The following GRIK1 variants were observed in gnomAD, a reference collection of about 807,000 sequenced individuals.
GRIK1 encodes glutamate receptor ionotropic, kainate 1.
GRIK1 carries 69 observed loss-of-function variants against 105.7 expected under a neutral mutation model. The observed-to-expected ratio is 0.65, with a 90% CI of 0.54 to 0.80. The LOEUF is 0.80. Ranked by LOEUF, GRIK1 falls within the 30% of genes least tolerant of loss-of-function variation. GRIK1 has a pLI of 0.00. For missense variants in GRIK1, 1,109 were observed against 1,167.3 expected (o/e 0.95, Z 0.73); for synonymous variants, 438 against 431.3 (o/e 1.02, Z -0.19).
chr21:29,716,409 C>T (rs567424466), intron 1 of GRIK1, among the ~76,000 whole-genome samples: 116 of 152,228 alleles, frequency 7.6e-4, no homozygotes, highest in Non-Finnish European at 1.3e-3. Flanking sequence ...AAGTTAGAAA[C>T]TTCCTAGAGA....
At chr21:29,677,556 A>G (rs1318763768) in intron 3 of GRIK1, among the ~76,000 whole-genome samples, 2 of 152,138 alleles carry the variant, frequency 1.3e-5, no homozygotes, top group Non-Finnish European at 2.9e-5. Context: ...TGGGTAACTC[A>G]GGCAACAGGT....
At chr21:29,622,517 C>A (rs1401490948) in intron 7 of GRIK1, among the ~76,000 whole-genome samples, 1 of 152,150 alleles carries the variant, frequency 6.6e-6, no homozygotes, top group Non-Finnish European at 1.5e-5. Context: ...TGTTGGTTAT[C>A]CCTGGTCTAC....
chr21:29,870,211 G>A (rs2068961885), intron 1 of GRIK1, among the ~76,000 whole-genome samples: 2 of 151,860 alleles, frequency 1.3e-5, no homozygotes, highest in Admixed American at 1.3e-4. Flanking sequence ...ATATCATGTT[G>A]TGTACATATC....
intron 16 of GRIK1, among the ~76,000 whole-genome samples, chr21:29,540,708 T>C (rs1184551425): frequency 1.3e-5 from 2 of 152,188 alleles, no homozygotes; most frequent in Non-Finnish European, 2.9e-5. Flanking sequence ...GGCTTGGGTT[T>C]TTCATATTCA....
At chr21:29,722,126 G>A (rs1045871252) in intron 1 of GRIK1, among the ~76,000 whole-genome samples, 1 of 152,082 alleles carries the variant, frequency 6.6e-6, no homozygotes, top group African/African-American at 2.4e-5. Flanking sequence ...GCTTACCTCT[G>A]TCATAATAAC....
rs1230664416 is a variant in GRIK1, at chr21:29,575,840, AAAC to A, written c.2130+1121_2130+1123del. On this transcript the variant is annotated intron_variant, in intron 14 of 17. Transcript: ENST00000327783. ...GAGCGAGACTCCATCTCAAAACAAAAAACAAAACAAAAAAACAGCTGCCCCCCA... is the reference window on the plus strand; with the variant it reads ...GAGCGAGACTCCATCTCAAAACAAAAAAAACAAAAAAACAGCTGCCCCCCA... Among the ~76,000 whole-genome samples, 3 of 152,086 alleles carry A rather than the reference AAAC, an allele frequency of 2.0e-5. No individual in the cohort carries two copies. In the East Asian group the frequency reaches 5.8e-4, roughly 29 times the overall value.
At chr21:29,650,286 G>A (rs544760969) in intron 6 of GRIK1, among the ~76,000 whole-genome samples, 4 of 152,140 alleles carry the variant, frequency 2.6e-5, no homozygotes, top group African/African-American at 4.8e-5. Context: ...TCTTAAAAGC[G>A]AGAGTGCGTC....
chr21:29,824,899 G>A (rs977049258), intron 1 of GRIK1, among the ~76,000 whole-genome samples: 2 of 152,004 alleles, frequency 1.3e-5, no homozygotes, highest in Non-Finnish European at 2.9e-5. Context: ...TAGGATCAGG[G>A]AGATTGCAAT....
Position 29,619,123 on chromosome 21 carries a change from CAAA to C in GRIK1, c.1099-20189_1099-20187del, listed in dbSNP as rs35003722. Among the ~76,000 whole-genome samples, 211 of 81,654 alleles carry C rather than the reference CAAA, an allele frequency of 2.6e-3. 1 individual carries two copies. The highest frequency in any genetic ancestry group is 5.9e-3 in the African/African-American group (131 of 22,092). The allele number at this position is 81,654 out of a possible 152,430, so 53.6% of individuals were successfully genotyped here. ...CCTGGGCAACAGAGCGAGACTCCGT[CAAA>C]AAAAAAAAAAAAAAAAAGAATGATA... On this transcript the variant is annotated intron_variant, in intron 7 of 17. Coordinates refer to ENST00000327783, the MANE Select transcript of GRIK1 (RefSeq NM_001330994.2).
chr21:29,674,180 T>G (rs533163631), intron 3 of GRIK1, among the ~76,000 whole-genome samples: 1 of 152,136 alleles, frequency 6.6e-6, no homozygotes, highest in South Asian at 2.1e-4. Context: ...AAAATTGTGA[T>G]ATGCTCTGTG....
At chr21:29,730,248 T>C (rs2064578706) in intron 1 of GRIK1, among the ~76,000 whole-genome samples, 1 of 152,198 alleles carries the variant, frequency 6.6e-6, no homozygotes, top group South Asian at 2.1e-4. Flanking sequence ...ATAATAATTA[T>C]TGTATTTTTT....
At chr21:29,583,345 G>A (rs561097772) in intron 12 of GRIK1, among the ~76,000 whole-genome samples, 1 of 152,144 alleles carries the variant, frequency 6.6e-6, no homozygotes, top group Non-Finnish European at 1.5e-5. Context: ...ACAGCATGCA[G>A]AGTAAAGATC....
At chr21:29,908,235 TG>T (rs66683073) in intron 1 of GRIK1, among the ~76,000 whole-genome samples, 33,441 of 152,000 alleles carry the variant, frequency 0.22, 4,176 homozygotes, top group African/African-American at 0.34. Flanking sequence ...TACACAGAAA[TG>T]TATATGAAAA....
chr21:29,726,500 C>T (rs1245648346), intron 1 of GRIK1, among the ~76,000 whole-genome samples: 3 of 152,132 alleles, frequency 2.0e-5, no homozygotes, highest in Non-Finnish European at 4.4e-5. Flanking sequence ...AAAGAACAAA[C>T]TTAAAATCCC....
rs59316205 is a variant in GRIK1, at chr21:29,557,861, A to G, written c.2357-2559T>C. Among the ~76,000 whole-genome samples, 662 of 152,274 alleles carry G rather than the reference A, an allele frequency of 4.3e-3. 2 individuals carry two copies. Among genetic ancestry groups the G allele is most frequent in the African/African-American group, 0.015 (616 of 41,558 alleles). On this transcript the variant is annotated intron_variant, in intron 15 of 17. Coordinates refer to ENST00000327783, the MANE Select transcript of GRIK1 (RefSeq NM_001330994.2). ...TACATGAAAGTGCTTTGAAGAGTGT[A>G]AGAATGATTCTTATGTTAGTTGTTG... is the stretch of plus-strand genomic sequence containing the variant.
At chr21:29,626,277 G>A (rs1437694469) in intron 7 of GRIK1, among the ~76,000 whole-genome samples, 6 of 152,050 alleles carry the variant, frequency 3.9e-5, no homozygotes, top group Non-Finnish European at 8.8e-5. Flanking sequence ...CTTTTATCAG[G>A]TATGGATAAC....
In GRIK1 at chr21:29,536,933, T is replaced by C. The variant is rs942417671; in HGVS notation, c.*297A>G. 9 of 183,812 alleles carry C rather than the reference T, an allele frequency of 4.9e-5. No individual in the cohort carries two copies. The highest frequency in any genetic ancestry group is 8.9e-5 in the Non-Finnish European group (8 of 89,554). 11.4% of individuals were successfully genotyped at this position (183,812 alleles called of 1,614,324 possible). On this transcript the variant is annotated 3_prime_UTR_variant, in exon 18 of 18. Coordinates refer to ENST00000327783, the MANE Select transcript of GRIK1 (RefSeq NM_001330994.2). ...TGGGGAACAAACCAAGCTCAACTTG[T>C]TCTGGAAAAAAACCCTGTTGTTTTA...
chr21:29,709,281 T>C (rs114276427), intron 1 of GRIK1, among the ~76,000 whole-genome samples: 2,262 of 145,554 alleles, frequency 0.016, 52 homozygotes, highest in African/African-American at 0.055. Flanking sequence ...TCTTCTTCTT[T>C]TTTTTTTTTT....
intron 1 of GRIK1, among the ~76,000 whole-genome samples, chr21:29,798,029 C>T (rs1019020136): frequency 1.3e-5 from 2 of 152,130 alleles, no homozygotes; most frequent in African/African-American, 4.8e-5. Flanking sequence ...ATATGTAAGT[C>T]CCCAGAGTAC....
Sources: gnomAD v4.1 joint callset for allele counts (sites outside exome capture counted in the v4.1 genomes callset) on GRCh38, gnomAD v4.1.1 for gene constraint, MANE v1.5 for transcripts, NCBI Gene and HGNC (gene_info 2026-07-23, HGNC 2026-07-21) for gene names.